Variants in OXSR1 observed in about 807,000 individuals in gnomAD.
OXSR1 encodes oxidative stress responsive kinase 1.
OXSR1 carries 24 observed loss-of-function variants against 79.8 expected under a neutral mutation model. The observed-to-expected ratio is 0.30, with a 90% CI of 0.22 to 0.42. The LOEUF (loss-of-function observed/expected upper bound fraction) is 0.42, where lower values mean the gene tolerates loss of function less well. Among genes scored for constraint, OXSR1 ranks in the 10% least tolerant of loss-of-function variants. The probability of loss-of-function intolerance (pLI) is 1.00; values close to 1 mark genes in which losing one functional copy is unlikely to be tolerated. For missense variants in OXSR1, 430 were observed against 618.4 expected (o/e 0.70, Z 3.23); for synonymous variants, 226 against 209.2 (o/e 1.08, Z -0.69).
Position 38,251,555 on chromosome 3 carries a change from T to C in OXSR1, c.1444+84T>C, listed in dbSNP as rs1575379964. 7.1e-6 allele frequency: 7 copies of C among 984,234 alleles called. No homozygotes were observed. The East Asian group carries it at 7.2e-5, about 10-fold the overall frequency. 61.0% of individuals were successfully genotyped at this position (984,234 alleles called of 1,614,324 possible). A position where few individuals can be genotyped will look rare whatever the true frequency, so the allele number is the denominator to read the frequency against. Reference sequence around the variant, plus strand: ...TAGAAAAGCAGGTTTTTTATTCCACTGAGTAGGTCTGATGGTTCTTGAAAT... The same window carrying C: ...TAGAAAAGCAGGTTTTTTATTCCACCGAGTAGGTCTGATGGTTCTTGAAAT... On this transcript the variant is annotated intron_variant, in intron 16 of 17. Transcript: ENST00000311806.
At chr3:38,213,586 T>A (rs1188580721) in intron 4 of OXSR1, among the ~76,000 whole-genome samples, 1 of 152,234 alleles carries the variant, frequency 6.6e-6, no homozygotes, top group Non-Finnish European at 1.5e-5. Context: ...ATGTGAATAC[T>A]GGTTCATTTA....
intron 1 of OXSR1, among the ~76,000 whole-genome samples, chr3:38,172,005 C>G (rs535190321): frequency 2.6e-5 from 4 of 152,140 alleles, no homozygotes; most frequent in African/African-American, 9.7e-5. Context: ...AGAATAGTAC[C>G]TATGTCACTG....
intron 14 of OXSR1, 31 bp from the exon 15 acceptor site, chr3:38,249,935 C>A: frequency 1.5e-6 from 2 of 1,315,282 alleles, no homozygotes; most frequent in Non-Finnish European, 1.1e-6. Flanking sequence ...TTTAGAAATT[C>A]TTATTTTATG....
At chr3:38,223,784 A>G in intron 6 of OXSR1, 28 bp from the exon 7 acceptor site, 1 of 1,533,648 alleles carries the variant, frequency 6.5e-7, no homozygotes, top group Non-Finnish European at 9.0e-7. Context: ...TATGCTGGTA[A>G]AAATAATCAT....
rs1278125260 is a variant in OXSR1, at chr3:38,254,292, G to T, written c.*1401G>T. 1 of 398,448 alleles carries T rather than the reference G, an allele frequency of 2.5e-6. No individual in the cohort carries two copies. Among genetic ancestry groups the T allele is most frequent in the African/African-American group, 2.1e-5 (1 of 48,622 alleles). The allele number at this position is 398,448 out of a possible 1,614,324, so 24.7% of individuals were successfully genotyped here. On this transcript the variant is annotated 3_prime_UTR_variant, in exon 18 of 18. Transcript: ENST00000311806. Reference sequence around the variant, plus strand: ...GGTTGTTTTACCTTATTTTCTCTTGGAACATATCTGAAAACCTTCCCCACA... The same window carrying T: ...GGTTGTTTTACCTTATTTTCTCTTGTAACATATCTGAAAACCTTCCCCACA...
intron 4 of OXSR1, among the ~76,000 whole-genome samples, chr3:38,201,192 T>C (rs538786311): frequency 6.6e-6 from 1 of 152,264 alleles, no homozygotes; most frequent in Non-Finnish European, 1.5e-5. Flanking sequence ...AGGCATGTGC[T>C]GCTGAGCCCA....
At chr3:38,180,927 C>T (rs1411138319) in intron 1 of OXSR1, among the ~76,000 whole-genome samples, 4 of 152,100 alleles carry the variant, frequency 2.6e-5, no homozygotes, top group Admixed American at 2.0e-4. Context: ...ACATTGGGCC[C>T]ACCCAGACAA....
chr3:38,245,210 G>T (rs1445731305), intron 12 of OXSR1, among the ~76,000 whole-genome samples: 2 of 151,894 alleles, frequency 1.3e-5, no homozygotes, highest in Admixed American at 1.3e-4. Context: ...ATTACTCTTT[G>T]AATTTTTTCT....
intron 4 of OXSR1, among the ~76,000 whole-genome samples, chr3:38,213,732 GTCT>G (rs1188110611): frequency 1.3e-5 from 2 of 152,234 alleles, no homozygotes; most frequent in South Asian, 2.1e-4. Context: ...AAACTATTAA[GTCT>G]TCTTCTTTTT....
At chr3:38,241,574 G>C (rs533631249) in intron 11 of OXSR1, among the ~76,000 whole-genome samples, 1 of 152,054 alleles carries the variant, frequency 6.6e-6, no homozygotes, top group African/African-American at 2.4e-5. Context: ...CATGATATAT[G>C]CAACTTATTC....
intron 4 of OXSR1, among the ~76,000 whole-genome samples, chr3:38,213,817 T>G (rs1007365480): frequency 2.0e-5 from 3 of 152,240 alleles, no homozygotes; most frequent in Non-Finnish European, 4.4e-5. Flanking sequence ...TGAGAGATAT[T>G]TTATGTCAAT....
chr3:38,204,682 T>C (rs1043876720), intron 4 of OXSR1, among the ~76,000 whole-genome samples: 1 of 151,792 alleles, frequency 6.6e-6, no homozygotes, highest in Non-Finnish European at 1.5e-5. Flanking sequence ...TGAGCTGATA[T>C]TCAAGTTGCA....
intron 12 of OXSR1, among the ~76,000 whole-genome samples, chr3:38,244,929 T>A (rs1703110658): frequency 6.6e-6 from 1 of 152,176 alleles, no homozygotes; most frequent in South Asian, 2.1e-4. Context: ...GGTTCCAATT[T>A]CTGTGCATCC....
intron 3 of OXSR1, among the ~76,000 whole-genome samples, chr3:38,192,346 C>T (rs916003967): frequency 1.3e-5 from 2 of 152,160 alleles, no homozygotes; most frequent in African/African-American, 4.8e-5. Context: ...GACCCTGAAT[C>T]AGCCAATACT....
intron 8 of OXSR1, among the ~76,000 whole-genome samples, chr3:38,226,064 A>C (rs953876934): frequency 1.1e-4 from 17 of 152,160 alleles, no homozygotes; most frequent in Admixed American, 3.3e-4. Context: ...AGGAACCCAC[A>C]GGATTAGAAA....
At chr3:38,186,059 C>CCAG (rs1280166918) in intron 2 of OXSR1, among the ~76,000 whole-genome samples, 1 of 151,172 alleles carries the variant, frequency 6.6e-6, no homozygotes, top group Admixed American at 6.6e-5. Flanking sequence ...GCCTGGGCCA[C>CCAG]CAGGGCTGTG....
At chr3:38,164,384 G>A (rs1199578638), upstream of OXSR1, among the ~76,000 whole-genome samples, 1 of 152,126 alleles carries the variant, frequency 6.6e-6, no homozygotes, top group African/African-American at 2.4e-5. Context: ...GACCTCAGGT[G>A]GTCCGCCCGC....
At chr3:38,204,184 A>T (rs561769486) in intron 4 of OXSR1, among the ~76,000 whole-genome samples, 1 of 152,062 alleles carries the variant, frequency 6.6e-6, no homozygotes, top group African/African-American at 2.4e-5. Flanking sequence ...AGGGCTCTTC[A>T]GTCAGCTTGG....
chr3:38,232,764 C>T (rs531605794), intron 10 of OXSR1, among the ~76,000 whole-genome samples: 7 of 150,682 alleles, frequency 4.6e-5, no homozygotes, highest in South Asian at 2.1e-4. Context: ...TGTCTCAAAA[C>T]GAAAAGAAAA....
Sources: gnomAD v4.1 joint callset for allele counts (sites outside exome capture counted in the v4.1 genomes callset) on GRCh38, gnomAD v4.1.1 for gene constraint, MANE v1.5 for transcripts, NCBI Gene and HGNC (gene_info 2026-07-23, HGNC 2026-07-21) for gene names.